Variants in TMEM117 observed in about 807,000 individuals in gnomAD.
TMEM117 encodes the protein transmembrane protein 117.
In TMEM117, 27 loss-of-function variants were observed where a neutral mutation model predicts 52.4. The ratio of observed to expected loss-of-function variants is 0.51; its 90% confidence interval spans 0.38 to 0.71. TMEM117 has a LOEUF of 0.71. Ranked by LOEUF, TMEM117 falls within the 30% of genes least tolerant of loss-of-function variation. The pLI, the probability that TMEM117 is intolerant of heterozygous loss-of-function variation, is 0.00. For missense variants in TMEM117, 556 were observed against 630.5 expected, an observed-to-expected ratio of 0.88 and a Z score of 1.26; for synonymous variants, 215 against 206.3, an observed-to-expected ratio of 1.04 and a Z score of -0.36.
chr12:43,796,839 A>T, the TMEM117 span: 1 of 892,818 alleles, frequency 1.1e-6, no homozygotes, highest in Non-Finnish European at 1.7e-6. Context: ...CCAGGCACTT[A>T]GAGGAGATCC....
intron 4 of TMEM117, among the ~76,000 whole-genome samples, chr12:44,182,280 T>A (rs61616378): frequency 2.4e-4 from 37 of 152,274 alleles, no homozygotes; most frequent in African/African-American, 8.2e-4. Context: ...TTTCTAGATA[T>A]ACAATCATGT....
intron 5 of TMEM117, among the ~76,000 whole-genome samples, chr12:44,282,658 G>C (rs564809387): frequency 6.6e-6 from 1 of 152,306 alleles, no homozygotes; most frequent in South Asian, 2.1e-4. Flanking sequence ...TATAAGGGAA[G>C]CAGAGCATAA....
intron 5 of TMEM117, among the ~76,000 whole-genome samples, chr12:44,240,759 T>G (rs1950051675): frequency 6.6e-6 from 1 of 152,098 alleles, no homozygotes; most frequent in Non-Finnish European, 1.5e-5. Context: ...CATAATTTAT[T>G]AAGCCACTTC....
At chr12:44,324,878 T>G (rs1034520772) in intron 6 of TMEM117, among the ~76,000 whole-genome samples, 1 of 152,150 alleles carries the variant, frequency 6.6e-6, no homozygotes, top group Non-Finnish European at 1.5e-5. Context: ...CTATTTATGG[T>G]GCAGCAATGA....
intron 2 of TMEM117, among the ~76,000 whole-genome samples, chr12:43,859,220 C>T (rs1481786831): frequency 6.6e-6 from 1 of 152,164 alleles, no homozygotes; most frequent in Non-Finnish European, 1.5e-5. Context: ...CAGCGGAATT[C>T]TGTTGGAGGG....
intron 3 of TMEM117, among the ~76,000 whole-genome samples, chr12:44,061,442 C>T (rs2137955228): frequency 6.6e-6 from 1 of 152,196 alleles, no homozygotes; most frequent in South Asian, 2.1e-4. Context: ...AGAGAAAAGA[C>T]TGGTCTCAGC....
At chr12:44,378,053 C>T (rs1951966844) in intron 7 of TMEM117, among the ~76,000 whole-genome samples, 1 of 152,076 alleles carries the variant, frequency 6.6e-6, no homozygotes, top group African/African-American at 2.4e-5. Flanking sequence ...AGCATGCTAC[C>T]CTCTTGGACT....
intron 6 of TMEM117, among the ~76,000 whole-genome samples, chr12:44,360,094 T>A (rs867437030): frequency 4.6e-5 from 7 of 152,194 alleles, no homozygotes; most frequent in African/African-American, 1.7e-4. Flanking sequence ...CATGGTCAAA[T>A]GTTCTATGAA....
chr12:43,803,041 T>C, the TMEM117 span, among the ~76,000 whole-genome samples: 2 of 152,302 alleles, frequency 1.3e-5, no homozygotes. Context: ...TATACATAAA[T>C]ACAAAGGTGT....
chr12:43,853,556 T>C (rs534394293), intron 2 of TMEM117, among the ~76,000 whole-genome samples: 64 of 152,366 alleles, frequency 4.2e-4, no homozygotes, highest in Admixed American at 2.5e-3. Flanking sequence ...ATTACAGGCG[T>C]GAGCCACTGT....
chr12:44,003,614 A>G (rs970584921), intron 3 of TMEM117, among the ~76,000 whole-genome samples: 4 of 151,856 alleles, frequency 2.6e-5, no homozygotes, highest in Non-Finnish European at 4.4e-5. Context: ...CCGCCTCTTC[A>G]CTCTGTCCCA....
intron 3 of TMEM117, among the ~76,000 whole-genome samples, chr12:44,104,003 C>G (rs1947909520): frequency 6.6e-6 from 1 of 151,852 alleles, no homozygotes; most frequent in Non-Finnish European, 1.5e-5. Flanking sequence ...TAAAACTTTA[C>G]AGTATAAACT....
intron 5 of TMEM117, among the ~76,000 whole-genome samples, chr12:44,272,298 G>A (rs1950456168): frequency 6.6e-6 from 1 of 152,002 alleles, no homozygotes; most frequent in South Asian, 2.1e-4. Flanking sequence ...CTTCACCACT[G>A]AATTCTATCA....
intron 4 of TMEM117, among the ~76,000 whole-genome samples, chr12:44,197,300 C>A (rs558366071): frequency 6.6e-6 from 1 of 152,096 alleles, no homozygotes; most frequent in South Asian, 2.1e-4. Flanking sequence ...GCTCTCCATC[C>A]CTGTATACAT....
chr12:44,191,734 A>C (rs951985481), intron 4 of TMEM117, among the ~76,000 whole-genome samples: 36 of 152,148 alleles, frequency 2.4e-4, no homozygotes, highest in African/African-American at 8.2e-4. Flanking sequence ...TGTTCCAAGG[A>C]TGCGAGTCAA....
chr12:44,024,764 T>A (rs1946506311), intron 3 of TMEM117, among the ~76,000 whole-genome samples: 1 of 152,114 alleles, frequency 6.6e-6, no homozygotes, highest in Non-Finnish European at 1.5e-5. Context: ...ATTTTAACGA[T>A]TAGTCAGTGT....
At chr12:44,256,147 G>GT (rs1355002823) in intron 5 of TMEM117, among the ~76,000 whole-genome samples, 5 of 151,644 alleles carry the variant, frequency 3.3e-5, no homozygotes, top group Admixed American at 1.3e-4. Flanking sequence ...TACACACTAT[G>GT]TGCATACATA....
intron 5 of TMEM117, among the ~76,000 whole-genome samples, chr12:44,232,909 G>GT (rs531026498): frequency 6.6e-6 from 1 of 150,612 alleles, no homozygotes; most frequent in Non-Finnish European, 1.5e-5. Flanking sequence ...GTGAGTTATA[G>GT]TTTTTTTTAA....
At chr12:44,225,163 T>C (rs1014804130) in intron 5 of TMEM117, among the ~76,000 whole-genome samples, 5 of 152,282 alleles carry the variant, frequency 3.3e-5, no homozygotes, top group African/African-American at 1.2e-4. Flanking sequence ...GAAAAATACT[T>C]AGTATACTTT....
Sources: gnomAD v4.1 joint callset for allele counts (sites outside exome capture counted in the v4.1 genomes callset) on GRCh38, gnomAD v4.1.1 for gene constraint, MANE v1.5 for transcripts, NCBI Gene and HGNC (gene_info 2026-07-23, HGNC 2026-07-21) for gene names.